FYN: variants seen among roughly 807,000 people sequenced by gnomAD.
The protein encoded by FYN is tyrosine-protein kinase Fyn.
FYN carries 10 observed loss-of-function variants against 70.2 expected under a neutral mutation model. That is an observed-to-expected ratio of 0.14 (90% CI 0.09 to 0.24). The LOEUF is 0.24. FYN is among the 10% of genes least tolerant of loss of function. The probability of loss-of-function intolerance (pLI) is 1.00; values close to 1 mark genes in which losing one functional copy is unlikely to be tolerated. For synonymous variants in FYN, 236 were observed against 248.6 expected, an observed-to-expected ratio of 0.95 and a Z score of 0.48; for missense variants, 319 against 673.1, an observed-to-expected ratio of 0.47 and a Z score of 5.82.
At chr6:111,730,233 T>C (rs574848031) in intron 3 of FYN, among the ~76,000 whole-genome samples, 194 of 152,002 alleles carry the variant, frequency 1.3e-3, no homozygotes, top group Non-Finnish European at 2.5e-3. Flanking sequence ...GCCATAGATA[T>C]CTAATTAAGG....
At chr6:111,811,579 C>G (rs1772325651) in intron 2 of FYN, among the ~76,000 whole-genome samples, 1 of 152,168 alleles carries the variant, frequency 6.6e-6, no homozygotes, top group South Asian at 2.1e-4. Context: ...ATCCCCTTCT[C>G]TGGGAATCTG....
intron 2 of FYN, among the ~76,000 whole-genome samples, chr6:111,810,984 T>C (rs1297797880): frequency 1.3e-5 from 2 of 152,236 alleles, no homozygotes; most frequent in Admixed American, 1.3e-4. Flanking sequence ...TATAATACAT[T>C]GGCAAGCAAC....
chr6:111,731,317 A>C (rs150981655), intron 3 of FYN, among the ~76,000 whole-genome samples: 5 of 152,346 alleles, frequency 3.3e-5, no homozygotes, highest in African/African-American at 1.2e-4. Flanking sequence ...GACTTTGAAG[A>C]AGGAGATTTG....
chr6:111,798,437 A>C (rs906725446), intron 2 of FYN: 1 of 152,234 alleles, frequency 6.6e-6, no homozygotes, highest in Non-Finnish European at 1.5e-5. Context: ...GAATTCTTTG[A>C]CTTTGACAAT....
At chr6:111,696,656 A>C in intron 9 of FYN, 200 bp from the exon 10 acceptor site, 1 of 471,318 alleles carries the variant, frequency 2.1e-6, no homozygotes, top group Non-Finnish European at 3.7e-6. Context: ...GTTATGGCTA[A>C]GATGGCTATA....
intron 12 of FYN, chr6:111,676,350 C>T (rs574999934): frequency 3.3e-4 from 51 of 152,274 alleles, no homozygotes; most frequent in African/African-American, 1.2e-3. Context: ...CTATAGTTTT[C>T]CTTTTATGCA....
At chr6:111,756,925 C>A (rs1350518005) in intron 3 of FYN, among the ~76,000 whole-genome samples, 1 of 152,178 alleles carries the variant, frequency 6.6e-6, no homozygotes, top group Non-Finnish European at 1.5e-5. Flanking sequence ...AGCTAAGGAT[C>A]TGTGCTATCC....
intron 1 of FYN, among the ~76,000 whole-genome samples, chr6:111,851,660 T>C (rs1773690034): frequency 6.6e-6 from 1 of 152,130 alleles, no homozygotes; most frequent in Admixed American, 6.5e-5. Context: ...GAAACCAAGT[T>C]CCATCCCTAG....
At chr6:111,801,078 C>T (rs1162652706) in intron 2 of FYN, among the ~76,000 whole-genome samples, 1 of 152,204 alleles carries the variant, frequency 6.6e-6, no homozygotes, top group African/African-American at 2.4e-5. Context: ...GGATTAGATG[C>T]ACAGTGGGAG....
At chr6:111,681,280 G>T (rs536870315) in intron 12 of FYN, among the ~76,000 whole-genome samples, 6 of 151,930 alleles carry the variant, frequency 3.9e-5, no homozygotes, top group Non-Finnish European at 7.4e-5. Flanking sequence ...CACCCACCTC[G>T]GCCTCCCAAA....
At chr6:111,706,903 G>T (rs889603140) in intron 6 of FYN, among the ~76,000 whole-genome samples, 3 of 152,094 alleles carry the variant, frequency 2.0e-5, no homozygotes, top group African/African-American at 7.2e-5. Flanking sequence ...GTCACTAGGA[G>T]AAAGAAACAA....
intron 13 of FYN, 88 bp from the exon 14 acceptor site, chr6:111,662,035 G>A (rs1019071840): frequency 1.8e-5 from 20 of 1,113,190 alleles, no homozygotes; most frequent in East Asian, 9.5e-5. Flanking sequence ...TCTTCTTTGC[G>A]TCTGCATGTG....
At chr6:111,715,102 T>C (rs1800567038) in intron 4 of FYN, among the ~76,000 whole-genome samples, 1 of 152,140 alleles carries the variant, frequency 6.6e-6, no homozygotes, top group South Asian at 2.1e-4. Flanking sequence ...CTTGTAGCAC[T>C]CACTCTTCCT....
intron 2 of FYN, among the ~76,000 whole-genome samples, chr6:111,820,685 G>A (rs1400822505): frequency 1.3e-5 from 2 of 151,922 alleles, no homozygotes; most frequent in African/African-American, 2.4e-5. Flanking sequence ...ATAGACAAGG[G>A]AACATGAAAA....
At chr6:111,857,785 T>A (rs949208447) in intron 1 of FYN, among the ~76,000 whole-genome samples, 2 of 152,134 alleles carry the variant, frequency 1.3e-5, no homozygotes, top group African/African-American at 4.8e-5. Flanking sequence ...CAAATTAAAT[T>A]CACTTCAAGC....
chr6:111,829,056 C>T (rs1772927426), intron 2 of FYN, among the ~76,000 whole-genome samples: 2 of 152,264 alleles, frequency 1.3e-5, no homozygotes, highest in South Asian at 4.1e-4. Flanking sequence ...ATTTTCCACA[C>T]ATCTCCTGGG....
chr6:111,764,238 G>GAAAAGA (rs1274425263), intron 3 of FYN, among the ~76,000 whole-genome samples: 3 of 87,120 alleles, frequency 3.4e-5, no homozygotes, highest in African/African-American at 1.4e-4. Context: ...AAAAAGAAAA[G>GAAAAGA]AAAAAAAAAG....
chr6:111,800,357 G>A (rs894763232), intron 2 of FYN, among the ~76,000 whole-genome samples: 3 of 152,218 alleles, frequency 2.0e-5, no homozygotes, highest in Admixed American at 6.5e-5. Context: ...GGAAGGATCC[G>A]GGGGATGGGA....
At chr6:111,719,178 C>A (rs936868063) in intron 4 of FYN, among the ~76,000 whole-genome samples, 2 of 152,086 alleles carry the variant, frequency 1.3e-5, no homozygotes, top group Non-Finnish European at 2.9e-5. Context: ...GGATGCATGA[C>A]ATAACTTACA....
Sources: allele counts gnomAD v4.1 joint callset (sites outside exome capture counted in the v4.1 genomes callset), GRCh38; gene constraint gnomAD v4.1.1; transcripts MANE v1.5; gene names NCBI Gene and HGNC (gene_info 2026-07-23, HGNC 2026-07-21).